The following ZSCAN20 variants were observed in gnomAD, a reference collection of about 807,000 sequenced individuals.
ZSCAN20 encodes zinc finger and SCAN domain-containing protein 20.
Under a neutral mutation model 97.1 loss-of-function variants are expected in ZSCAN20, and 39 were observed. That is an observed-to-expected ratio of 0.40 (90% confidence interval 0.31 to 0.52). The LOEUF (loss-of-function observed/expected upper bound fraction) is 0.52. Ranked by LOEUF, ZSCAN20 falls within the 20% of genes least tolerant of loss-of-function variation. The pLI, the probability that ZSCAN20 is intolerant of heterozygous loss-of-function variation, is 0.49. For missense variants in ZSCAN20, 1,115 were observed against 1,290.4 expected (o/e 0.86, Z 2.08); for synonymous variants, 456 against 467.3 (o/e 0.98, Z 0.31).
chr1:33,479,727 T>G, intron 2 of ZSCAN20, 22 bp downstream of exon 2: 1 of 1,480,790 alleles, frequency 6.8e-7, no homozygotes, highest in South Asian at 1.4e-5. Context: ...AGTCTTCTCC[T>G]GCAGAGGAGT....
At position 33,494,755 on chromosome 1, in the gene ZSCAN20, A is replaced by C; in HGVS notation, c.2411A>C (p.Asn804Thr). Residue 804 changes from asparagine to threonine, a missense_variant, in exon 8 of 8, where the codon AAC becomes ACC. Around this residue, in one of 3 missense-constraint regions of ZSCAN20, gnomAD observed 554 missense variants for 584.9 expected, o/e 0.95. Transcript: ENST00000684572. The stretch of plus-strand genomic sequence containing the variant: ...TGTGGAGAATGTTGGAAAAGCTTCA[A>C]CCAGAGCTCAAACCTTCTGAAACAT... ...YKCGECWKSF[N>T]QSSNLLKHQR... 1 of 1,614,108 alleles carries C rather than the reference A, an allele frequency of 6.2e-7. No homozygotes were observed. The highest frequency in any genetic ancestry group is 8.5e-7 in the Non-Finnish European group (1 of 1,180,020).
chr1:33,488,471 G>A lies in ZSCAN20; in HGVS notation c.424G>A (p.Glu142Lys), dbSNP rs1357186252. Residue 142 changes from glutamate (E) to lysine (K), a missense_variant, in exon 3 of 8, where the codon GAA becomes AAA. Physicochemically the swap from Glu to Lys is moderately conservative, Grantham distance 56. This residue lies in a region of ZSCAN20 where 508 missense variants were observed against 611.2 expected (regional missense o/e 0.83). Transcript: ENST00000684572. ...TTTGACTATTTGTGTGTAGGGACTG[G>A]AATTGCATACAGAAGAGACCAGGCC... is the stretch of plus-strand genomic sequence containing the variant. ...ETRTAGQSGL[E>K]LHTEETRPLK... is the part of the protein sequence containing the mutation. 6.2e-7 allele frequency: 1 copy of A among 1,611,940 alleles called. No homozygotes were observed. Among genetic ancestry groups the A allele is most frequent in the East Asian group, 2.2e-5 (1 of 44,798 alleles).
chr1:33,473,284 T>C (rs529124456), intron 1 of ZSCAN20, among the ~76,000 whole-genome samples: 112 of 152,148 alleles, frequency 7.4e-4, no homozygotes, highest in Non-Finnish European at 1.3e-3. Flanking sequence ...CTTGCATTCT[T>C]CCACGTCCAA....
Position 33,493,352 on chromosome 1 carries a change from G to A in ZSCAN20, c.1610G>A (p.Arg537His). 3 of 1,614,168 alleles carry A rather than the reference G, an allele frequency of 1.9e-6. No individual in the cohort carries two copies. The highest frequency in any genetic ancestry group is 8.5e-7 in the Non-Finnish European group (1 of 1,180,016). ...TTCCTGCGGACACTGGAGCAGTGTC[G>A]CTACAGATTCAAAAACCTCCTTCGA... ...LGFLRTLEQC[R>H]YRFKNLLRSY... Residue 537 changes from arginine (R) to histidine (H), a missense_variant, in exon 7 of 8, where the codon CGC becomes CAC. Arg to His is a conservative substitution (Grantham distance 29). Around this residue, in one of 3 missense-constraint regions of ZSCAN20, gnomAD observed 53 missense variants for 94.3 expected, o/e 0.56. Coordinates refer to ENST00000684572, the MANE Select transcript of ZSCAN20 (RefSeq NM_001377376.1). The surrounding 1 kb of genome is among the most constrained non-coding windows in gnomAD (Gnocchi z 4.3).
chr1:33,488,711 T>C, intron 3 of ZSCAN20, 60 bp downstream of exon 3: 1 of 1,540,468 alleles, frequency 6.5e-7, no homozygotes, highest in Non-Finnish European at 8.8e-7. Flanking sequence ...GGATGGGAGG[T>C]GAGGAAGGGT....
In ZSCAN20 at chr1:33,494,605, A is replaced by G. The variant is rs750724651; in HGVS notation, c.2261A>G (p.Asn754Ser). Residue 754 changes from asparagine (N) to serine (S), a missense_variant, in exon 8 of 8, where the codon AAT becomes AGT. Coordinates refer to ENST00000684572, the MANE Select transcript of ZSCAN20 (RefSeq NM_001377376.1). ...GKNFSDRSNL[N>S]THQRIHTGEK... ...AACTTTAGTGACCGCTCTAACCTCA[A>G]TACCCATCAGAGAATCCACACTGGA... is the stretch of plus-strand genomic sequence containing the variant. The G allele has an allele frequency of 3.8e-5, 61 of 1,613,720 alleles. No individual in the cohort carries two copies. The highest frequency in any genetic ancestry group is 1.1e-4 in the African/African-American group (8 of 74,842).
intron 2 of ZSCAN20, among the ~76,000 whole-genome samples, chr1:33,484,054 A>G (rs1652258415): frequency 6.6e-6 from 1 of 152,160 alleles, no homozygotes; most frequent in Non-Finnish European, 1.5e-5. Flanking sequence ...GCATATTTGT[A>G]CCCTGCAGCC....
chr1:33,489,079 A>C, intron 3 of ZSCAN20, 36 bp from the exon 4 acceptor site: 94 of 1,565,436 alleles, frequency 6.0e-5, no homozygotes, highest in Non-Finnish European at 7.4e-5. Flanking sequence ...TTTGGGAACC[A>C]GAGCTTGGGT....
intron 2 of ZSCAN20, among the ~76,000 whole-genome samples, chr1:33,483,319 G>C (rs1480776193): frequency 6.7e-6 from 1 of 150,194 alleles, no homozygotes; most frequent in African/African-American, 2.5e-5. Context: ...TTGCTTCACT[G>C]TATTACCTTT....
chr1:33,489,157 G>A lies in ZSCAN20; in HGVS notation c.647G>A (p.Ser216Asn), dbSNP rs965833788. 6.2e-7 allele frequency: 1 copy of A among 1,613,910 alleles called. No individual in the cohort carries two copies. Among genetic ancestry groups the A allele is most frequent in the African/African-American group, 1.3e-5 (1 of 75,048 alleles). Reference sequence around the variant, plus strand: ...GTCCCTACTCTCCCAAAGATGGGGAGCGTTGGAGATTGGGAGGTGACAGCT... The same window carrying A: ...GTCCCTACTCTCCCAAAGATGGGGAACGTTGGAGATTGGGAGGTGACAGCT... ...PRVPTLPKMG[S>N]VGDWEVTAES... is the part of the protein sequence containing the mutation. The change falls in exon 4 of 8, where the codon AGC becomes AAC. Residue 216 changes from serine to asparagine, a missense_variant. Coordinates refer to ENST00000684572, the MANE Select transcript of ZSCAN20 (RefSeq NM_001377376.1).
Position 33,494,441 on chromosome 1 carries a change from C to T in ZSCAN20, c.2097C>T (p.Asp699=), listed in dbSNP as rs776199629. ...AAGAGGACTTAGAAAAACTTATTGA[C>T]CATCAAGGCCTGTACCTTGCAGAGA... is the stretch of plus-strand genomic sequence containing the variant. ...SSEEDLEKLI[D]HQGLYLAEKP... The change falls in exon 8 of 8, where the codon GAC becomes GAT. Residue 699 remains aspartate (D), a synonymous_variant. Transcript: ENST00000684572. 2 of 1,613,300 alleles carry T rather than the reference C, an allele frequency of 1.2e-6. No individual in the cohort carries two copies. The highest frequency in any genetic ancestry group is 2.2e-5 in the East Asian group (1 of 44,898).
chr1:33,476,371 T>C (rs1651940247), intron 1 of ZSCAN20, among the ~76,000 whole-genome samples: 1 of 152,246 alleles, frequency 6.6e-6, no homozygotes, highest in Admixed American at 6.5e-5. Context: ...CCCTGGGGCT[T>C]TCCGATTTCT....
Position 33,491,690 on chromosome 1 carries a change from C to A in ZSCAN20, c.1432C>A (p.Gln478Lys). The A allele has an allele frequency of 6.3e-7, 1 of 1,593,614 alleles. No homozygotes were observed. The highest frequency in any genetic ancestry group is 8.5e-7 in the Non-Finnish European group (1 of 1,171,986). Residue 478 changes from glutamine (Q) to lysine (K), a missense_variant, in exon 6 of 8, where the codon CAG becomes AAG. Physicochemically the swap from Gln to Lys is moderately conservative, Grantham distance 53. Around this residue, in one of 3 missense-constraint regions of ZSCAN20, gnomAD observed 508 missense variants for 611.2 expected, o/e 0.83. Coordinates refer to ENST00000684572, the MANE Select transcript of ZSCAN20 (RefSeq NM_001377376.1). This position sits in a 1 kb window ranked among gnomAD's most constrained non-coding sequence, Gnocchi z 4.3. ...PRIAGAPALF[Q>K]SRIAGVHWGY... The stretch of plus-strand genomic sequence containing the variant: ...GATTGCAGGGGCCCCAGCTCTGTTC[C>A]AGAGTCGTATTGGTAAGAACATGGG...
Position 33,495,262 on chromosome 1 carries a change from ACCT to A in ZSCAN20, c.2920_2922del (p.Leu974del). On this transcript the variant is annotated inframe_deletion, in exon 8 of 8. Coordinates refer to ENST00000684572, the MANE Select transcript of ZSCAN20 (RefSeq NM_001377376.1). ...GGAAAATTCTTCCGTGACCGTTCTA[ACCT>A]CATTACTCACCAGAGGATTCATACG... 6.2e-7 allele frequency: 1 copy of A among 1,612,460 alleles called. No individual in the cohort carries two copies.
chr1:33,493,206 TGAG>T lies in ZSCAN20; in HGVS notation c.1468_1470del (p.Glu490del). ...TGACAGCAGGTGTGCACTGGGGCTA[TGAG>T]GAGACCAAGGCCTTCCTGGCAATTC... On this transcript the variant is annotated inframe_deletion, in exon 7 of 8. Coordinates refer to ENST00000684572, the MANE Select transcript of ZSCAN20 (RefSeq NM_001377376.1). The surrounding 1 kb of genome is among the most constrained non-coding windows in gnomAD (Gnocchi z 4.3). 1 of 1,614,086 alleles carries T rather than the reference TGAG, an allele frequency of 6.2e-7. No homozygotes were observed. Among genetic ancestry groups the T allele is most frequent in the Non-Finnish European group, 8.5e-7 (1 of 1,179,966 alleles).
Position 33,491,786 on chromosome 1 carries a change from C to A in ZSCAN20, c.1444+84C>A. ...CTATTCCCTGAGGTCAGGGCACAGGCTGCAAGTCTGGATTGAAGCCACTAG... is the reference window on the plus strand; with the variant it reads ...CTATTCCCTGAGGTCAGGGCACAGGATGCAAGTCTGGATTGAAGCCACTAG... On this transcript the variant is annotated intron_variant, in intron 6 of 7. Coordinates refer to ENST00000684572, the MANE Select transcript of ZSCAN20 (RefSeq NM_001377376.1). This position sits in a 1 kb window ranked among gnomAD's most constrained non-coding sequence, Gnocchi z 4.3. The A allele has an allele frequency of 1.4e-6, 2 of 1,398,818 alleles. No homozygotes were observed. The highest frequency in any genetic ancestry group is 2.3e-5 in the East Asian group (1 of 43,218). The allele number at this position is 1,398,818 out of a possible 1,614,324, so 86.7% of individuals were successfully genotyped here. A position where few individuals can be genotyped will look rare whatever the true frequency, so the allele number is the denominator to read the frequency against.
At chr1:33,475,084 G>A (rs1368152067) in intron 1 of ZSCAN20, among the ~76,000 whole-genome samples, 1 of 152,180 alleles carries the variant, frequency 6.6e-6, no homozygotes, top group Non-Finnish European at 1.5e-5. Context: ...GCTCACTCCT[G>A]CCTTAATGTT....
chr1:33,481,324 G>A (rs996819379), intron 2 of ZSCAN20, among the ~76,000 whole-genome samples: 6 of 152,130 alleles, frequency 3.9e-5, no homozygotes, highest in Admixed American at 1.3e-4. Context: ...TTTAAATCAA[G>A]GTCTTTATGA....
intron 1 of ZSCAN20, among the ~76,000 whole-genome samples, chr1:33,474,722 C>T (rs1454378707): frequency 1.3e-5 from 2 of 152,210 alleles, no homozygotes; most frequent in African/African-American, 4.8e-5. Context: ...TGGTTACCAA[C>T]ATTTAAAAAT....
Sources: gnomAD v4.1 joint callset for allele counts (sites outside exome capture counted in the v4.1 genomes callset) on GRCh38, gnomAD v4.1.1 for gene constraint, gnomAD v4.1.1 regional missense constraint, Gnocchi (gnomAD v3.1) non-coding constraint, MANE v1.5 for transcripts, NCBI Gene and HGNC (gene_info 2026-07-23, HGNC 2026-07-21) for gene names.